The following PHLPP2 variants were observed in gnomAD, a reference collection of about 807,000 sequenced individuals.
PHLPP2 encodes PH domain leucine-rich repeat-containing protein phosphatase 2.
A neutral mutation model predicts 124.9 loss-of-function variants in PHLPP2; 66 were observed. That is an observed-to-expected ratio of 0.53 (90% CI 0.43 to 0.65). The LOEUF (loss-of-function observed/expected upper bound fraction) is 0.65, where lower values mean the gene tolerates loss of function less well. Among genes scored for constraint, PHLPP2 ranks in the 30% least tolerant of loss-of-function variants. PHLPP2 has a pLI of 0.00. For synonymous variants in PHLPP2, 681 were observed against 624.7 expected (o/e 1.09, Z -1.34); for missense variants, 1,685 against 1,600.4 (o/e 1.05, Z -0.90).
At chr16:71,673,323 C>T (rs1466010306) in intron 9 of PHLPP2, among the ~76,000 whole-genome samples, 2 of 152,212 alleles carry the variant, frequency 1.3e-5, no homozygotes, top group African/African-American at 2.4e-5. Flanking sequence ...ACTCCAACAG[C>T]TGCCCCTGGG....
intron 6 of PHLPP2, among the ~76,000 whole-genome samples, chr16:71,680,157 T>C (rs1239133610): frequency 2.0e-5 from 3 of 152,230 alleles, no homozygotes; most frequent in African/African-American, 4.8e-5. Context: ...TATTTCTTCA[T>C]ACTTGATATG....
chr16:71,658,098 G>C, intron 15 of PHLPP2, 135 bp downstream of exon 15: 1 of 702,150 alleles, frequency 1.4e-6, no homozygotes. Context: ...AATCAAAGAA[G>C]AGAACCTAGG....
At chr16:71,700,913 C>T (rs1407677834) in intron 3 of PHLPP2, among the ~76,000 whole-genome samples, 1 of 152,094 alleles carries the variant, frequency 6.6e-6, no homozygotes, top group Non-Finnish European at 1.5e-5. Flanking sequence ...CCTCTGTGCA[C>T]GTGCATGCAT....
Position 71,663,984 on chromosome 16 carries a change from C to G in PHLPP2, c.1900G>C (p.Asp634His), listed in dbSNP as rs140814077. The part of the protein sequence containing the change: ...LLYLTNNLLT[D>H]QCIPVLVGHL... The stretch of plus-strand genomic sequence containing the variant: ...CCTACCAGGACAGGTATGCACTGAT[C>G]CGTCAGGAGATTGTTGGTCAGATAA... The change falls in exon 13 of 19, where the codon GAT becomes CAT. Residue 634 changes from aspartate to histidine, a missense_variant. By Grantham distance (81) the Asp-to-His change is moderately conservative (BLOSUM62 -1). Coordinates refer to ENST00000568954, the MANE Select transcript of PHLPP2 (RefSeq NM_015020.3). 3.1e-6 allele frequency: 5 copies of G among 1,613,818 alleles called. No homozygotes were observed. In the African/African-American group the frequency reaches 6.7e-5, roughly 22 times the overall value.
chr16:71,649,549 C>T lies in PHLPP2; in HGVS notation c.3313G>A (p.Gly1105Ser). ...CTCGGAAGCAAGGCAGTGTCCAGGCCCCCAGCATTATGCTCATCAGAAGCA... is the reference window on the plus strand; with the variant it reads ...CTCGGAAGCAAGGCAGTGTCCAGGCTCCCAGCATTATGCTCATCAGAAGCA... Reference protein sequence around the residue: ...STASDEHNAGGLDTALLPRPE... With the variant: ...STASDEHNAGSLDTALLPRPE... The change falls in exon 19 of 19, where the codon GGC (glycine) becomes AGC (serine). Residue 1105 changes from glycine to serine, a missense_variant. By Grantham distance (56) the Gly-to-Ser change is moderately conservative. Transcript: ENST00000568954. The T allele has an allele frequency of 6.2e-7, 1 of 1,614,146 alleles. No individual in the cohort carries two copies. Among genetic ancestry groups the T allele is most frequent in the Non-Finnish European group, 8.5e-7 (1 of 1,180,028 alleles).
intron 11 of PHLPP2, 62 bp from the exon 12 acceptor site, chr16:71,667,395 T>TAGGACAGCCTCAGAAA: frequency 7.7e-7 from 1 of 1,302,756 alleles, no homozygotes; most frequent in Non-Finnish European, 1.1e-6. Flanking sequence ...TTTCTGAGGC[T>TAGGACAGCCTCAGAAA]GTCCTAGCCT....
At chr16:71,681,564 C>G (rs1276322236) in intron 6 of PHLPP2, among the ~76,000 whole-genome samples, 187 bp downstream of exon 6, 3 of 152,196 alleles carry the variant, frequency 2.0e-5, no homozygotes, top group African/African-American at 4.8e-5. Context: ...AGAACATTTA[C>G]ATCAATCTTC....
chr16:71,689,939 T>C lies in PHLPP2; in HGVS notation c.609+580A>G, dbSNP rs184040205. On this transcript the variant is annotated intron_variant, in intron 4 of 18. Coordinates refer to ENST00000568954, the MANE Select transcript of PHLPP2 (RefSeq NM_015020.3). The stretch of plus-strand genomic sequence containing the variant: ...TGGAAGTCTTCCAGACAAACTCAGA[T>C]TGGTTTATGACAGTCAAGATTCAAA... Among the ~76,000 whole-genome samples the C allele has an allele frequency of 2.2e-3, 332 of 152,278 alleles. 1 individual carries two copies. The highest frequency in any genetic ancestry group is 3.7e-3 in the Admixed American group (56 of 15,300).
chr16:71,698,143 G>A (rs149357542), intron 3 of PHLPP2, among the ~76,000 whole-genome samples: 1,759 of 152,188 alleles, frequency 0.012, 33 homozygotes, highest in African/African-American at 0.04. Flanking sequence ...CACCGCGCCC[G>A]GCCCAGAAAG....
Position 71,714,815 on chromosome 16 carries a change from A to G in PHLPP2, c.-6-14T>C. ...TTTCATATTTCTCTAAAAAATATCA[A>G]GAGAAAGAAATCGTTAGCTAGAACA... On this transcript the variant is annotated splice_polypyrimidine_tract_variant and intron_variant, in intron 1 of 18. Transcript: ENST00000568954. The G allele has an allele frequency of 6.2e-7, 1 of 1,603,038 alleles. No homozygotes were observed.
intron 3 of PHLPP2, among the ~76,000 whole-genome samples, chr16:71,694,561 C>A (rs1339748999): frequency 6.6e-6 from 1 of 151,840 alleles, no homozygotes; most frequent in Non-Finnish European, 1.5e-5. Flanking sequence ...AAGTTACAGG[C>A]TGGAAAAAAA....
chr16:71,686,146 C>T (rs1190856082), intron 4 of PHLPP2, among the ~76,000 whole-genome samples: 2 of 152,132 alleles, frequency 1.3e-5, no homozygotes, highest in East Asian at 3.9e-4. Flanking sequence ...ATCAGTCTTA[C>T]TGAGGTATAA....
chr16:71,702,023 A>G (rs2045237338), intron 3 of PHLPP2, among the ~76,000 whole-genome samples: 1 of 152,136 alleles, frequency 6.6e-6, no homozygotes, highest in Admixed American at 6.6e-5. Context: ...ATAATGAAGA[A>G]CTAGGGTTCA....
chr16:71,653,034 A>T lies in PHLPP2; in HGVS notation c.2586-13T>A. On this transcript the variant is annotated splice_polypyrimidine_tract_variant and intron_variant, in intron 17 of 18. Transcript: ENST00000568954. ...CATTCCTAATTTCCTGTTCAGAAAG[A>T]AAAGGAAAAGAAGACGTGGTGGCTA... 6.3e-7 allele frequency: 1 copy of T among 1,585,258 alleles called. No homozygotes were observed. Among genetic ancestry groups the T allele is most frequent in the Non-Finnish European group, 8.6e-7 (1 of 1,158,248 alleles).
At chr16:71,719,382 A>G (rs772755528) in intron 1 of PHLPP2, among the ~76,000 whole-genome samples, 25 of 151,826 alleles carry the variant, frequency 1.6e-4, no homozygotes, top group Non-Finnish European at 3.2e-4. Flanking sequence ...TTAAAAATAC[A>G]GAAGAATTAC....
chr16:71,672,893 T>G (rs1422915367), intron 9 of PHLPP2, among the ~76,000 whole-genome samples: 1 of 152,258 alleles, frequency 6.6e-6, no homozygotes, highest in Non-Finnish European at 1.5e-5. Context: ...TGCCTATCTA[T>G]GTAAACATAT....
chr16:71,704,935 T>A (rs1597014850), intron 2 of PHLPP2, among the ~76,000 whole-genome samples: 1 of 151,794 alleles, frequency 6.6e-6, no homozygotes, highest in Non-Finnish European at 1.5e-5. Flanking sequence ...ACAAGGAGAG[T>A]AAGGATATAA....
chr16:71,689,131 A>T (rs1302484582), intron 4 of PHLPP2, among the ~76,000 whole-genome samples: 5 of 152,214 alleles, frequency 3.3e-5, no homozygotes, highest in Admixed American at 3.3e-4. Flanking sequence ...TTTCAGACCC[A>T]GAGCCCAGGA....
intron 4 of PHLPP2, among the ~76,000 whole-genome samples, chr16:71,688,829 C>T (rs961992838): frequency 1.3e-5 from 2 of 152,216 alleles, no homozygotes; most frequent in African/African-American, 4.8e-5. Flanking sequence ...GCTCCTGCCC[C>T]ATGGTTGATA....
Sources: gnomAD v4.1 joint callset for allele counts (sites outside exome capture counted in the v4.1 genomes callset) on GRCh38, gnomAD v4.1.1 for gene constraint, MANE v1.5 for transcripts, NCBI Gene and HGNC (gene_info 2026-07-23, HGNC 2026-07-21) for gene names.